Variants in CD99L2 observed in about 807,000 individuals in gnomAD.
CD99L2 encodes CD99 molecule like 2.
In CD99L2, 24 loss-of-function variants were observed where a neutral mutation model predicts 27.3. The ratio of observed to expected loss-of-function variants is 0.88; its 90% CI spans 0.64 to 1.24. The LOEUF is 1.24. Among genes scored for constraint, CD99L2 ranks in the 50% most tolerant of loss-of-function variants. CD99L2 has a pLI of 0.00. For synonymous variants in CD99L2, 97 were observed against 87.9 expected (o/e 1.10, Z -0.58); for missense variants, 255 against 221.6 (o/e 1.15, Z -0.96).
At chrX:150,861,756 A>T (rs1557421908) in intron 1 of CD99L2, among the ~76,000 whole-genome samples, 1 of 109,588 alleles carries the variant, frequency 9.1e-6, no homozygotes, top group South Asian at 4.0e-4. Flanking sequence ...AATACAAAAA[A>T]TTAGCTGGGC....
At chrX:150,861,798 C>T (rs781813861) in intron 1 of CD99L2, among the ~76,000 whole-genome samples, 49 of 108,247 alleles carry the variant, frequency 4.5e-4, no homozygotes, top group African/African-American at 1.5e-3. Context: ...CTCAGCTACT[C>T]GGGAGGCTGA....
At chrX:150,858,197 A>G (rs1400053350) in intron 1 of CD99L2, among the ~76,000 whole-genome samples, 16 of 112,631 alleles carry the variant, frequency 1.4e-4, no homozygotes, top group African/African-American at 6.4e-5. Flanking sequence ...TGGAGCACCC[A>G]GATTCAAAAA....
At chrX:150,845,720 T>C (rs1477362886) in intron 1 of CD99L2, among the ~76,000 whole-genome samples, 1 of 111,915 alleles carries the variant, frequency 8.9e-6, no homozygotes, top group African/African-American at 3.3e-5. Context: ...GAAAGTGTCA[T>C]ACCTGATTAC....
intron 1 of CD99L2, among the ~76,000 whole-genome samples, chrX:150,832,787 C>T (rs1424234433): frequency 8.1e-5 from 9 of 111,225 alleles, no homozygotes; most frequent in African/African-American, 2.6e-4. Flanking sequence ...TGGTGGCTCA[C>T]GCCTGTAATC....
chrX:150,791,735 A>G (rs940420932), intron 7 of CD99L2, among the ~76,000 whole-genome samples: 3 of 110,576 alleles, frequency 2.7e-5, no homozygotes, highest in Non-Finnish European at 3.8e-5. Context: ...GGAAGGAAAT[A>G]AGGGCGGAGG....
intron 2 of CD99L2, among the ~76,000 whole-genome samples, chrX:150,825,407 G>T: frequency 9.0e-6 from 1 of 111,546 alleles, no homozygotes; most frequent in Non-Finnish European, 1.9e-5. Flanking sequence ...CTTAATTACG[G>T]TACCACATAG....
At chrX:150,833,076 C>T (rs1356370015) in intron 1 of CD99L2, among the ~76,000 whole-genome samples, 1 of 107,588 alleles carries the variant, frequency 9.3e-6, no homozygotes. Context: ...AAAAAGACTC[C>T]ACCAGAAAAC....
intron 1 of CD99L2, among the ~76,000 whole-genome samples, chrX:150,890,107 C>G (rs797028611): frequency 3.9e-5 from 4 of 102,024 alleles, no homozygotes; most frequent in Non-Finnish European, 6.0e-5. Context: ...GAGCCGAGAT[C>G]GCACCACTGC....
intron 4 of CD99L2, among the ~76,000 whole-genome samples, chrX:150,805,472 T>A (rs1326533190): frequency 9.0e-6 from 1 of 110,985 alleles, no homozygotes; most frequent in African/African-American, 3.3e-5. Context: ...AGATCTTGAA[T>A]GTTCTCACCA....
chrX:150,822,151 T>C (rs782743626), intron 2 of CD99L2, among the ~76,000 whole-genome samples: 8 of 112,385 alleles, frequency 7.1e-5, no homozygotes, highest in African/African-American at 2.6e-4. Flanking sequence ...ATAAACAAAA[T>C]TGTGGTATGT....
chrX:150,856,569 A>AAATAATAATAAT lies in CD99L2; in HGVS notation c.68-25288_68-25277dup, dbSNP rs10564205. On this transcript the variant is annotated intron_variant, in intron 1 of 10. Coordinates refer to ENST00000370377, the MANE Select transcript of CD99L2 (RefSeq NM_031462.4). ...ATGCTGAGTGACAGAAGCCAGGCTA[A>AAATAATAATAAT]AATAATAATAATAATAATAATAATA... 2.7e-3 allele frequency among the ~76,000 whole-genome samples: 270 copies of AAATAATAATAAT among 98,676 alleles called. 1 individual carries two copies. In the Middle Eastern group the frequency reaches 0.035, roughly 13 times the overall value. 85.7% of individuals were successfully genotyped at this position (98,676 alleles called of 115,157 possible).
intron 1 of CD99L2, among the ~76,000 whole-genome samples, chrX:150,877,217 CAG>C (rs781839698): frequency 9.1e-6 from 1 of 110,367 alleles, no homozygotes; most frequent in Non-Finnish European, 1.9e-5. Context: ...TAAATAGAAG[CAG>C]AGAGACCTTG....
intron 2 of CD99L2, among the ~76,000 whole-genome samples, chrX:150,817,416 AT>A (rs1178385441): frequency 1.8e-5 from 2 of 110,970 alleles, no homozygotes; most frequent in Non-Finnish European, 3.8e-5. Context: ...ATAAAAAAAA[AT>A]AAGTGTGGTT....
intron 4 of CD99L2, among the ~76,000 whole-genome samples, chrX:150,803,384 C>CCT (rs1810873743): frequency 8.9e-6 from 1 of 111,846 alleles, no homozygotes; most frequent in South Asian, 3.7e-4. Context: ...TAATACACAT[C>CCT]CTATCATAAT....
chrX:150,897,533 G>T (rs1041587021), intron 1 of CD99L2, among the ~76,000 whole-genome samples: 6 of 111,002 alleles, frequency 5.4e-5, no homozygotes, highest in Non-Finnish European at 1.1e-4. Context: ...CAAAGTGTGT[G>T]TGTGTGTGTG....
intron 2 of CD99L2, among the ~76,000 whole-genome samples, chrX:150,824,668 G>T (rs200617086): frequency 3.1e-5 from 2 of 63,700 alleles, no homozygotes; most frequent in Non-Finnish European, 6.0e-5. Flanking sequence ...AAGAAGAAGA[G>T]GAAGAGGAAG....
intron 1 of CD99L2, among the ~76,000 whole-genome samples, chrX:150,873,204 T>C (rs1458124171): frequency 4.5e-5 from 5 of 112,252 alleles, no homozygotes; most frequent in Non-Finnish European, 9.4e-5. Flanking sequence ...GGTACATCCA[T>C]GTAGTGGAAT....
At chrX:150,780,544 G>C (rs1219723809) in intron 7 of CD99L2, among the ~76,000 whole-genome samples, 1 of 111,653 alleles carries the variant, frequency 9.0e-6, no homozygotes. Flanking sequence ...CAACCCAAAG[G>C]TTCATCAACT....
At chrX:150,794,688 A>G (rs782008033) in intron 6 of CD99L2, among the ~76,000 whole-genome samples, 3 of 111,546 alleles carry the variant, frequency 2.7e-5, no homozygotes, top group South Asian at 7.7e-4. Flanking sequence ...GGATCTGAAA[A>G]GTCTGTGAAA....
Sources: allele counts gnomAD v4.1 joint callset (sites outside exome capture counted in the v4.1 genomes callset), GRCh38; gene constraint gnomAD v4.1.1; transcripts MANE v1.5; gene names NCBI Gene and HGNC (gene_info 2026-07-23, HGNC 2026-07-21).